The following SPTBN5 variants were observed in gnomAD, a reference collection of about 807,000 sequenced individuals.
SPTBN5 encodes the protein spectrin beta, non-erythrocytic 5.
Under a neutral mutation model 477.6 loss-of-function variants are expected in SPTBN5, and 513 were observed. That is an observed-to-expected ratio of 1.07 (90% CI 1.00 to 1.16). The LOEUF is 1.16. SPTBN5 is among the 50% of genes most tolerant of loss of function. The pLI, the probability that SPTBN5 is intolerant of heterozygous loss-of-function variation, is 0.00. For synonymous variants in SPTBN5, 2,169 were observed against 2,011.7 expected (o/e 1.08, Z -2.09); for missense variants, 5,062 against 4,731.8 (o/e 1.07, Z -2.05).
chr15:41,874,265 A>G, intron 24 of SPTBN5, 27 bp downstream of exon 24: 1 of 1,591,166 alleles, frequency 6.3e-7, no homozygotes, highest in Non-Finnish European at 8.6e-7. Context: ...GATGTCGGTA[A>G]TCCTGTAGGA....
intron 35 of SPTBN5, 76 bp downstream of exon 35, chr15:41,867,462 G>A (rs1285441899): frequency 2.9e-6 from 4 of 1,380,798 alleles, no homozygotes; most frequent in Non-Finnish European, 4.1e-6. Flanking sequence ...AACACACCAA[G>A]CGCCCCGTGA....
At chr15:41,858,797 CCT>C (rs1484204535) in intron 48 of SPTBN5, 49 bp from the exon 49 acceptor site, 1 of 1,580,776 alleles carries the variant, frequency 6.3e-7, no homozygotes. Context: ...TTCCCCTTCC[CCT>C]GACCTCTGGG....
chr15:41,862,757 G>A (rs748776394), intron 42 of SPTBN5, 33 bp downstream of exon 42: 2 of 1,548,862 alleles, frequency 1.3e-6, no homozygotes, highest in South Asian at 2.4e-5. Context: ...CTCAGGAGAT[G>A]CCCTGGGCCC....
chr15:41,892,718 G>A (rs961635984), intron 3 of SPTBN5, 176 bp downstream of exon 3: 4 of 653,590 alleles, frequency 6.1e-6, no homozygotes, highest in Non-Finnish European at 9.8e-6. Context: ...AGTCAGGGGT[G>A]CTGTGCGAGG....
chr15:41,853,406 T>A lies in SPTBN5; in HGVS notation c.10022A>T (p.Glu3341Val), dbSNP rs975217259. 4 of 1,601,766 alleles carry A rather than the reference T, an allele frequency of 2.5e-6. No homozygotes were observed. In the African/African-American group the frequency reaches 5.4e-5, roughly 21 times the overall value. Residue 3341 changes from glutamate to valine, a missense_variant, in exon 59 of 68, where the codon GAG (glutamate) becomes GTG (valine). By Grantham distance (121) the Glu-to-Val change is moderately radical. Transcript: ENST00000320955. ...QERQELASSE[E>V]LAEDVAGAEQ... Reference sequence around the variant, plus strand: ...AGCCCCCGCCACGTCCTCAGCCAGCTCCTCGGAGGACGCCAGCTCCTGCCT... The same window carrying A: ...AGCCCCCGCCACGTCCTCAGCCAGCACCTCGGAGGACGCCAGCTCCTGCCT...
chr15:41,873,862 C>T lies in SPTBN5; in HGVS notation c.4873G>A (p.Ala1625Thr), dbSNP rs1198732848. ...CATCCTACCTGCTGGAAAGTGACAGCCTGCTGCAGACACTGGGCCCGCGCT... is the reference window on the plus strand; with the variant it reads ...CATCCTACCTGCTGGAAAGTGACAGTCTGCTGCAGACACTGGGCCCGCGCT... ...CEARAQCLQQAVTFQQYFLDV... is the reference protein window; with the variant it reads ...CEARAQCLQQTVTFQQYFLDV... The change falls in exon 25 of 68, where the codon GCT becomes ACT. Residue 1625 changes from alanine to threonine, a missense_variant. Physicochemically the swap from Ala to Thr is moderately conservative, Grantham distance 58 (BLOSUM62 0). Transcript: ENST00000320955. 2 of 1,610,908 alleles carry T rather than the reference C, an allele frequency of 1.2e-6. No individual in the cohort carries two copies. The highest frequency in any genetic ancestry group is 1.7e-6 in the Non-Finnish European group (2 of 1,179,880).
intron 9 of SPTBN5, 66 bp downstream of exon 9, chr15:41,882,930 G>C: frequency 6.9e-7 from 1 of 1,452,568 alleles, no homozygotes; most frequent in Non-Finnish European, 9.3e-7. Context: ...CTTTAACCTG[G>C]GCAGGAGATA....
rs1328729914 is a variant in SPTBN5, at chr15:41,873,493, T to C, written c.5006A>G (p.Gln1669Arg). 6 of 1,550,500 alleles carry C rather than the reference T, an allele frequency of 3.9e-6. No individual in the cohort carries two copies. The Admixed American group carries it at 7.8e-5, about 20-fold the overall frequency. ...CAGGGGAGGCTCAGGACGTGGTACC[T>C]GGTGCTTGTTAATGAGCCTGAGGGT... Reference protein sequence around the residue: ...AATLRLINKHQALQEELAIYW... With the variant: ...AATLRLINKHRALQEELAIYW... The change falls in exon 26 of 68, where the codon CAG (glutamine) becomes CGG (arginine). Residue 1669 changes from glutamine (Q) to arginine (R), a missense_variant and splice_region_variant. Coordinates refer to ENST00000320955, the MANE Select transcript of SPTBN5 (RefSeq NM_016642.4).
Position 41,882,396 on chromosome 15 carries a change from G to A in SPTBN5, c.2120C>T (p.Ala707Val), listed in dbSNP as rs778097121. 105 of 1,539,416 alleles carry A rather than the reference G, an allele frequency of 6.8e-5. No homozygotes were observed. Among genetic ancestry groups the A allele is most frequent in the Non-Finnish European group, 9.0e-5 (103 of 1,148,716 alleles). The change falls in exon 11 of 68, where the codon GCC becomes GTC. Residue 707 changes from alanine (A) to valine (V), a missense_variant. Physicochemically the swap from Ala to Val is moderately conservative, Grantham distance 64 (BLOSUM62 0). Transcript: ENST00000320955. ...ATCCGGCTGCGTTGGGGGCCTGCGG[G>A]CGCTGAGGTCGCGTCCCCTCCGCAC... ...DLVRRGRDLS[A>V]RRPPTQPDPG...
rs1469197316 is a variant in SPTBN5 at position 41,866,088 on chromosome 15, G to C, written c.6772C>G (p.Leu2258Val). ...AGGTCCACTCTCTGCAGGAACTCCA[G>C]GAAGTTCCGCCTGTCCTCCAGCTCC... ...GQELEDRRNF[L>V]EFLQRVDLAE... The change falls in exon 38 of 68, where the codon CTG (leucine) becomes GTG (valine). Residue 2258 changes from leucine (L) to valine (V), a missense_variant. Transcript: ENST00000320955. 3.2e-6 allele frequency: 5 copies of C among 1,557,010 alleles called. No individual in the cohort carries two copies. The highest frequency in any genetic ancestry group is 4.3e-6 in the Non-Finnish European group (5 of 1,150,764).
intron 62 of SPTBN5, 110 bp from the exon 63 acceptor site, chr15:41,851,960 C>A (rs1210384233): frequency 1.0e-6 from 1 of 995,002 alleles, no homozygotes; most frequent in Non-Finnish European, 1.5e-6. Flanking sequence ...AAGTACTAAC[C>A]AGGCCTGACC....
intron 11 of SPTBN5, 38 bp downstream of exon 11, chr15:41,882,231 G>GACCCCCCCCCCCCCCCCCCCCCCCCC: frequency 8.0e-7 from 1 of 1,243,768 alleles, no homozygotes; most frequent in South Asian, 1.6e-5. Context: ...CGCCTCGCCG[G>GACCCCCCCCCCCCCCCCCCCCCCCCC]GCCCCGCCCC....
chr15:41,888,175 G>T, intron 4 of SPTBN5, 90 bp from the exon 5 acceptor site: 2 of 1,323,320 alleles, frequency 1.5e-6, no homozygotes, highest in Non-Finnish European at 2.1e-6. Flanking sequence ...GCTGGCCACA[G>T]CAGGATCCTG....
In SPTBN5 at chr15:41,886,128, G is replaced by A; in HGVS notation, c.1127C>T (p.Ala376Val). The A allele has an allele frequency of 1.2e-6, 2 of 1,611,060 alleles. No homozygotes were observed. Among genetic ancestry groups the A allele is most frequent in the South Asian group, 1.1e-5 (1 of 90,954 alleles). The change falls in exon 7 of 68, where the codon GCA (alanine) becomes GTA (valine). Residue 376 changes from alanine (A) to valine (V), a missense_variant. Coordinates refer to ENST00000320955, the MANE Select transcript of SPTBN5 (RefSeq NM_016642.4). ...GGGCCTGCGGTTCTGGGCTTGGAGT[G>A]CTGTCTGTAGCCGGAAGAGCAGGGC... ...AEALLFRLQT[A>V]LQAQNRRPFL...
Position 41,848,192 on chromosome 15 carries a change from A to T in SPTBN5, c.*424T>A. 1 of 511,348 alleles carries T rather than the reference A, an allele frequency of 2.0e-6. No homozygotes were observed. Among genetic ancestry groups the T allele is most frequent in the Non-Finnish European group, 3.5e-6 (1 of 283,244 alleles). 31.7% of individuals were successfully genotyped at this position (511,348 alleles called of 1,614,324 possible). ...TATTACTGCTGAGAAGGGCCATGTC[A>T]TTCTAGGCTCTTGGCTGTACATGGC... On this transcript the variant is annotated 3_prime_UTR_variant, in exon 68 of 68. Coordinates refer to ENST00000320955, the MANE Select transcript of SPTBN5 (RefSeq NM_016642.4).
rs780134986 is a variant in SPTBN5 at position 41,857,441 on chromosome 15, G to C, written c.8418C>G (p.Ile2806Met). The C allele has an allele frequency of 1.2e-6, 2 of 1,606,924 alleles. No individual in the cohort carries two copies. Among genetic ancestry groups the C allele is most frequent in the Non-Finnish European group, 1.7e-6 (2 of 1,177,144 alleles). The change falls in exon 51 of 68, where the codon ATC (isoleucine) becomes ATG (methionine). Residue 2806 changes from isoleucine (I) to methionine (M), a missense_variant. Coordinates refer to ENST00000320955, the MANE Select transcript of SPTBN5 (RefSeq NM_016642.4). ...CAGTGGGGGCTCTCAGCTCAACCTC[G>C]ATGGGCTCCAGCCAGTTCTCCAGTT... ...MEELENWLEPIEVELRAPTVG... is the reference protein window; with the variant it reads ...MEELENWLEPMEVELRAPTVG...
At position 41,875,583 on chromosome 15, in the gene SPTBN5, C is replaced by T; in HGVS notation, c.4162G>A (p.Glu1388Lys). 6.2e-7 allele frequency: 1 copy of T among 1,604,336 alleles called. No homozygotes were observed. The highest frequency in any genetic ancestry group is 8.5e-7 in the Non-Finnish European group (1 of 1,175,510). ...ELLSRRPCGQ[E>K]DIQTRLQGLR... ...CCTTGAAGCCTGGTCTGTATGTCCTCCTGGCCACAGGGCCTCCTACTCAAC... is the reference window on the plus strand; with the variant it reads ...CCTTGAAGCCTGGTCTGTATGTCCTTCTGGCCACAGGGCCTCCTACTCAAC... Residue 1388 changes from glutamate to lysine, a missense_variant, in exon 22 of 68, where the codon GAG becomes AAG. Transcript: ENST00000320955.
At chr15:41,849,349 C>T (rs1567176823) in intron 67 of SPTBN5, among the ~76,000 whole-genome samples, 1 of 152,144 alleles carries the variant, frequency 6.6e-6, no homozygotes, top group Non-Finnish European at 1.5e-5. Flanking sequence ...CAGGCCGGGA[C>T]ATGCTGGACC....
Position 41,893,522 on chromosome 15 carries a change from G to A in SPTBN5, c.-25C>T, listed in dbSNP as rs530548335. ...TCAGCCCTGCAGACTTTGGGGATGA[G>A]GAGCTGCTGGATGGCTCCCTAAACC... On this transcript the variant is annotated 5_prime_UTR_variant, in exon 2 of 68. Coordinates refer to ENST00000320955, the MANE Select transcript of SPTBN5 (RefSeq NM_016642.4). The A allele has an allele frequency of 2.7e-5, 42 of 1,547,322 alleles. No individual in the cohort carries two copies. In the African/African-American group the frequency reaches 5.7e-4, roughly 21 times the overall value.
Sources: allele counts gnomAD v4.1 joint callset (sites outside exome capture counted in the v4.1 genomes callset), GRCh38; gene constraint gnomAD v4.1.1; transcripts MANE v1.5; gene names NCBI Gene and HGNC (gene_info 2026-07-23, HGNC 2026-07-21).